Variants in FAM83F observed in about 807,000 individuals in gnomAD.
The protein encoded by FAM83F is scaffolding CK1 anchoring protein F.
FAM83F carries 45 observed loss-of-function variants against 42.9 expected under a neutral mutation model. That is an observed-to-expected ratio of 1.05 (90% confidence interval 0.83 to 1.35). The LOEUF (loss-of-function observed/expected upper bound fraction) is 1.35. Among genes scored for constraint, FAM83F ranks in the 40% most tolerant of loss-of-function variants. The pLI is 0.00. For synonymous variants in FAM83F, 306 were observed against 298.3 expected (o/e 1.03, Z -0.27); for missense variants, 617 against 695.9 (o/e 0.89, Z 1.28).
chr22:40,021,396 G>A lies in FAM83F; in HGVS notation c.886G>A (p.Glu296Lys), dbSNP rs751156757. 4.3e-6 allele frequency: 7 copies of A among 1,613,528 alleles called. No individual in the cohort carries two copies. The highest frequency in any genetic ancestry group is 2.7e-5 in the African/African-American group (2 of 74,932). The change falls in exon 4 of 5, where the codon GAG becomes AAG. Residue 296 changes from glutamate (E) to lysine (K), a missense_variant. Glu to Lys is a moderately conservative substitution (Grantham distance 56). Coordinates refer to ENST00000333407, the MANE Select transcript of FAM83F (RefSeq NM_138435.4). This position sits in a 1 kb window ranked among gnomAD's most constrained non-coding sequence, Gnocchi z 8.7. ...TEFRELYAISEEVDLYRQLSL... is the reference protein window; with the variant it reads ...TEFRELYAISKEVDLYRQLSL... ...GTTCCGGGAGCTGTACGCCATCTCC[G>A]AGGAGGTGGACTTGTACCGGCAGCT...
chr22:39,999,864 G>GT (rs1327109287), intron 1 of FAM83F, among the ~76,000 whole-genome samples: 2 of 152,202 alleles, frequency 1.3e-5, no homozygotes, highest in African/African-American at 4.8e-5. Context: ...CTGTCGATGG[G>GT]TTTGTCCCTT....
intron 4 of FAM83F, among the ~76,000 whole-genome samples, chr22:40,028,901 G>A (rs1029886144): frequency 6.6e-6 from 1 of 152,364 alleles, no homozygotes; most frequent in African/African-American, 2.4e-5. Flanking sequence ...GGAAGGAGCT[G>A]GAACTGGACC....
Position 40,003,552 on chromosome 22 carries a change from G to GC in FAM83F, c.489+8021_489+8022insC, listed in dbSNP as rs571877614. ...GACCACCTGCCCCCTGCTCAGGGGG[G>GC]GTGTCCTGAGCCACCCCCAAGGCTG... On this transcript the variant is annotated intron_variant, in intron 1 of 4. Transcript: ENST00000333407. Among the ~76,000 whole-genome samples the GC allele has an allele frequency of 1.8e-4, 27 of 151,870 alleles. No homozygotes were observed. The East Asian group carries it at 5.2e-3, about 30-fold the overall frequency.
intron 4 of FAM83F, among the ~76,000 whole-genome samples, chr22:40,028,824 C>G (rs1051965270): frequency 2.6e-5 from 4 of 152,240 alleles, no homozygotes; most frequent in Non-Finnish European, 4.4e-5. Context: ...ACGGTGGCAG[C>G]TCTTGGCCAG....
In FAM83F at chr22:40,002,415, G is replaced by A. The variant is rs557662503; in HGVS notation, c.489+6884G>A. ...GCTCCTCTGAAATCCGATACTTTGG[G>A]TCCCTGAACCTCTGAGGATGGGTGT... On this transcript the variant is annotated intron_variant, in intron 1 of 4. Transcript: ENST00000333407. Among the ~76,000 whole-genome samples the A allele has an allele frequency of 2.6e-5, 4 of 152,306 alleles. No homozygotes were observed. The East Asian group carries it at 5.8e-4, about 22-fold the overall frequency.
At position 40,026,062 on chromosome 22, in the gene FAM83F, A is replaced by T. The variant is rs374960388; in HGVS notation, c.1454-3454A>T. On this transcript the variant is annotated intron_variant, in intron 4 of 4. Transcript: ENST00000333407. The stretch of plus-strand genomic sequence containing the variant: ...GTCCTCCTCGCTGCCATCCTGCCTG[A>T]TGACAGCATCTCACAATGAGACCCC... Among the ~76,000 whole-genome samples the T allele has an allele frequency of 2.0e-5, 3 of 152,318 alleles. No homozygotes were observed. In the East Asian group the frequency reaches 5.8e-4, roughly 29 times the overall value.
intron 4 of FAM83F, 55 bp downstream of exon 4, chr22:40,022,018 G>A (rs755659577): frequency 5.2e-5 from 75 of 1,435,488 alleles, no homozygotes; most frequent in South Asian, 1.8e-4. Flanking sequence ...CCCTCGCCCC[G>A]CATCGGCTCT....
At chr22:40,005,606 CAT>C (rs2067423186) in intron 1 of FAM83F, among the ~76,000 whole-genome samples, 1 of 152,234 alleles carries the variant, frequency 6.6e-6, no homozygotes. Flanking sequence ...CTCCTTTGTA[CAT>C]ACACCCTCCT....
At chr22:40,018,171 T>C (rs986310548) in intron 1 of FAM83F, among the ~76,000 whole-genome samples, 1 of 152,200 alleles carries the variant, frequency 6.6e-6, no homozygotes, top group Non-Finnish European at 1.5e-5. Context: ...TAGGATGGGA[T>C]GGACACCTGA....
chr22:40,019,083 A>G (rs1276845933), intron 1 of FAM83F, 85 bp from the exon 2 acceptor site: 1 of 1,520,006 alleles, frequency 6.6e-7, no homozygotes, highest in African/African-American at 1.4e-5. Flanking sequence ...CAGTGACCCC[A>G]GGGCGAGGTG....
rs1219151477 is a variant in FAM83F at position 40,038,793 on chromosome 22, C to G, written c.*9228C>G. 6.6e-6 allele frequency: 1 copy of G among 152,566 alleles called. No homozygotes were observed. Among genetic ancestry groups the G allele is most frequent in the Admixed American group, 6.5e-5 (1 of 15,288 alleles). 9.5% of individuals were successfully genotyped at this position (152,566 alleles called of 1,614,324 possible). ...CTGCCGGAGAATGGGCATGGCCGGG[C>G]TGAGGGGTCCCTGGACAGGAACCAG... On this transcript the variant is annotated 3_prime_UTR_variant, in exon 5 of 5. Transcript: ENST00000333407.
Position 40,032,556 on chromosome 22 carries a change from ATTTCTTTTTTTTT to A in FAM83F, c.*3006_*3018del, listed in dbSNP as rs978889081. The A allele has an allele frequency of 3.9e-4, 58 of 149,804 alleles. No homozygotes were observed. Among genetic ancestry groups the A allele is most frequent in the African/African-American group, 1.3e-3 (54 of 40,666 alleles). 9.3% of individuals were successfully genotyped at this position (149,804 alleles called of 1,614,324 possible). On this transcript the variant is annotated 3_prime_UTR_variant, in exon 5 of 5. Transcript: ENST00000333407. ...CTGGCCAAAGAGGGGAAAGTGGGCT[ATTTCTTTTTTTTT>A]TTTCTTTTTTTTTTCTGAGACAGAG...
At chr22:40,001,334 T>C (rs1218326635) in intron 1 of FAM83F, among the ~76,000 whole-genome samples, 1 of 152,182 alleles carries the variant, frequency 6.6e-6, no homozygotes, top group Non-Finnish European at 1.5e-5. Context: ...AATACTGAGC[T>C]TCCTGGATGG....
At position 40,023,068 on chromosome 22, in the gene FAM83F, T is replaced by C. The variant is rs1194126127; in HGVS notation, c.1453+1105T>C. On this transcript the variant is annotated intron_variant, in intron 4 of 4. Transcript: ENST00000333407. The surrounding 1 kb of genome is among the most constrained non-coding windows in gnomAD (Gnocchi z 4.1). ...TCTGTGGCTGTGGGCACAGTGGGAG[T>C]GTCAGGGCGTTCCTTCTGTTTGGCC... Among the ~76,000 whole-genome samples the C allele has an allele frequency of 2.0e-5, 3 of 152,036 alleles. No individual in the cohort carries two copies. The highest frequency in any genetic ancestry group is 4.8e-5 in the African/African-American group (2 of 41,374).
chr22:39,999,102 A>T (rs2067384786), intron 1 of FAM83F: 3 of 152,238 alleles, frequency 2.0e-5, no homozygotes, highest in Admixed American at 6.5e-5. Context: ...GATACCTAAA[A>T]CACACCTCTG....
Position 39,995,473 on chromosome 22 carries a change from A to AG in FAM83F, c.431_432insG (p.Asp144GlufsTer31). On this transcript the variant is annotated frameshift_variant, in exon 1 of 5. Coordinates refer to ENST00000333407, the MANE Select transcript of FAM83F (RefSeq NM_138435.4). LOFTEE classifies it high-confidence loss of function. The surrounding 1 kb of genome is among the most constrained non-coding windows in gnomAD (Gnocchi z 4.6). ...ACGCTCTTCACCCACCCGCCCAAGG[A>AG]CGAGAAGGCGCCGCACCTCAAGCAG... 1 of 1,577,456 alleles carries AG rather than the reference A, an allele frequency of 6.3e-7. No individual in the cohort carries two copies.
Position 40,038,130 on chromosome 22 carries a change from A to C in FAM83F, c.*8565A>C, listed in dbSNP as rs1204001687. The C allele has an allele frequency of 6.6e-6, 1 of 152,208 alleles. No individual in the cohort carries two copies. Among genetic ancestry groups the C allele is most frequent in the Non-Finnish European group, 1.5e-5 (1 of 68,044 alleles). The allele number at this position is 152,208 out of a possible 1,614,324, so 9.4% of individuals were successfully genotyped here. ...AAGATAGACCTGGCCTTTACCTTCA[A>C]ATGTTCAGAACATGGTTAGGAAGAT... On this transcript the variant is annotated 3_prime_UTR_variant, in exon 5 of 5. Transcript: ENST00000333407.
At chr22:40,006,351 G>A (rs1289524409) in intron 1 of FAM83F, among the ~76,000 whole-genome samples, 2 of 152,236 alleles carry the variant, frequency 1.3e-5, no homozygotes, top group African/African-American at 2.4e-5. Context: ...CCACCTATGT[G>A]GAGGCATTCT....
chr22:40,017,225 CTTTTTTTTTTT>C (rs59308005), intron 1 of FAM83F, among the ~76,000 whole-genome samples: 1 of 115,586 alleles, frequency 8.7e-6, no homozygotes, highest in Non-Finnish European at 1.8e-5. Context: ...TCAGCACTTT[CTTTTTTTTTTT>C]TTTTTTTTTG....
Sources: allele counts gnomAD v4.1 joint callset (sites outside exome capture counted in the v4.1 genomes callset), GRCh38; gene constraint gnomAD v4.1.1; non-coding constraint Gnocchi (gnomAD v3.1); transcripts MANE v1.5; gene names NCBI Gene and HGNC (gene_info 2026-07-23, HGNC 2026-07-21).